GTF2H3: variants seen among roughly 807,000 people sequenced by gnomAD.
GTF2H3 encodes the protein general transcription factor IIH subunit 3.
Under a neutral mutation model 51.1 loss-of-function variants are expected in GTF2H3, and 42 were observed. The ratio of observed to expected loss-of-function variants is 0.82; its 90% CI spans 0.64 to 1.06. The LOEUF (loss-of-function observed/expected upper bound fraction) is 1.06, where lower values mean the gene tolerates loss of function less well. GTF2H3 is among the 50% of genes least tolerant of loss of function. The probability of loss-of-function intolerance (pLI) is 0.00; values close to 1 mark genes in which losing one functional copy is unlikely to be tolerated. For synonymous variants in GTF2H3, 123 were observed against 123.8 expected (o/e 0.99, Z 0.04); for missense variants, 326 against 366.1 (o/e 0.89, Z 0.89).
At chr12:123,649,296 C>T (rs1032084714) in intron 4 of GTF2H3, 2 of 152,254 alleles carry the variant, frequency 1.3e-5, no homozygotes, top group African/African-American at 4.8e-5. Context: ...CTTGATCGGC[C>T]TCAGCATTAT....
At chr12:123,641,695 A>G (rs554225858) in intron 2 of GTF2H3, among the ~76,000 whole-genome samples, 3 of 152,024 alleles carry the variant, frequency 2.0e-5, no homozygotes, top group Non-Finnish European at 4.4e-5. Context: ...GGTTGCGTTC[A>G]TATCTGCTAT....
chr12:123,645,839 G>T (rs550435826), intron 3 of GTF2H3, among the ~76,000 whole-genome samples: 1 of 152,216 alleles, frequency 6.6e-6, no homozygotes, highest in African/African-American at 2.4e-5. Context: ...CTATCAAATC[G>T]GACAGCTACT....
intron 9 of GTF2H3, among the ~76,000 whole-genome samples, chr12:123,657,492 G>T (rs1045371123): frequency 6.6e-6 from 1 of 152,234 alleles, no homozygotes; most frequent in Non-Finnish European, 1.5e-5. Context: ...GCAGGTGTTT[G>T]CATGGCCTAC....
intron 3 of GTF2H3, among the ~76,000 whole-genome samples, chr12:123,646,923 G>A (rs1417231154): frequency 6.6e-6 from 1 of 150,542 alleles, no homozygotes; most frequent in African/African-American, 2.4e-5. Flanking sequence ...AGGCCGAGGC[G>A]GGCGGATCAC....
chr12:123,658,376 C>T (rs561467516), intron 9 of GTF2H3, among the ~76,000 whole-genome samples: 8 of 152,158 alleles, frequency 5.3e-5, no homozygotes, highest in Non-Finnish European at 1.2e-4. Flanking sequence ...CGCCACTACG[C>T]CCAGCTAATT....
At chr12:123,640,822 G>A (rs1955360759) in intron 2 of GTF2H3, among the ~76,000 whole-genome samples, 1 of 152,162 alleles carries the variant, frequency 6.6e-6, no homozygotes, top group Non-Finnish European at 1.5e-5. Context: ...AAAAGCAGAG[G>A]TGGGTAGCAA....
Position 123,662,092 on chromosome 12 carries a change from G to C in GTF2H3, c.*1857G>C, listed in dbSNP as rs868680579. On this transcript the variant is annotated 3_prime_UTR_variant, in exon 13 of 13. Coordinates refer to ENST00000543341, the MANE Select transcript of GTF2H3 (RefSeq NM_001516.5). ...TGCAGTGAGCCAAGATCAAGATTGC[G>C]CCATTGCACTCCAGCCTGGGCGACA... The C allele has an allele frequency of 1.4e-5, 2 of 141,526 alleles. No homozygotes were observed. The highest frequency in any genetic ancestry group is 3.0e-5 in the Non-Finnish European group (2 of 66,952). 8.8% of individuals were successfully genotyped at this position (141,526 alleles called of 1,614,324 possible).
chr12:123,649,424 C>T (rs927613585), intron 4 of GTF2H3: 1 of 152,294 alleles, frequency 6.6e-6, no homozygotes, highest in Non-Finnish European at 1.5e-5. Flanking sequence ...GTTGTGACAA[C>T]CAGATATGTC....
At chr12:123,640,618 A>G (rs1357113314) in intron 2 of GTF2H3, among the ~76,000 whole-genome samples, 1 of 152,138 alleles carries the variant, frequency 6.6e-6, no homozygotes, top group African/African-American at 2.4e-5. Context: ...GATTACAGGC[A>G]TGAGCCACTG....
intron 2 of GTF2H3, among the ~76,000 whole-genome samples, chr12:123,644,434 G>A (rs967806368): frequency 7.2e-5 from 11 of 152,074 alleles, no homozygotes; most frequent in East Asian, 1.9e-4. Flanking sequence ...TTGGGAGGCC[G>A]AGGCGGGCGG....
chr12:123,642,694 A>G (rs1358819838), intron 2 of GTF2H3, among the ~76,000 whole-genome samples: 1 of 152,090 alleles, frequency 6.6e-6, no homozygotes, highest in African/African-American at 2.4e-5. Context: ...CCCCTTCCCC[A>G]TGTTCTTATT....
chr12:123,658,950 A>C (rs982045264), intron 9 of GTF2H3, among the ~76,000 whole-genome samples: 1 of 152,232 alleles, frequency 6.6e-6, no homozygotes, highest in Non-Finnish European at 1.5e-5. Flanking sequence ...AGCACATGAA[A>C]AGATGCTTAA....
chr12:123,651,816 T>C (rs1309229394), intron 5 of GTF2H3, among the ~76,000 whole-genome samples: 5 of 143,090 alleles, frequency 3.5e-5, no homozygotes, highest in Non-Finnish European at 7.6e-5. Context: ...CGAGACTACA[T>C]CTCAAAAAAA....
chr12:123,659,501 G>A lies in GTF2H3; in HGVS notation c.616-15G>A, dbSNP rs756213897. 23 of 1,613,624 alleles carry A rather than the reference G, an allele frequency of 1.4e-5. No individual in the cohort carries two copies. The highest frequency in any genetic ancestry group is 3.3e-5 in the South Asian group (3 of 91,066). Reference sequence around the variant, plus strand: ...GTAAGTGCGAGTTTGGCAGCAAGCCGCCTGTGTCTTGCAGGCTTGTGACAT... The same window carrying A: ...GTAAGTGCGAGTTTGGCAGCAAGCCACCTGTGTCTTGCAGGCTTGTGACAT... On this transcript the variant is annotated splice_polypyrimidine_tract_variant and intron_variant, in intron 9 of 12. Coordinates refer to ENST00000543341, the MANE Select transcript of GTF2H3 (RefSeq NM_001516.5).
intron 2 of GTF2H3, among the ~76,000 whole-genome samples, chr12:123,640,462 G>T (rs1293810828): frequency 6.6e-6 from 1 of 150,476 alleles, no homozygotes; most frequent in South Asian, 2.1e-4. Context: ...TCAGCCTTCC[G>T]AGTAGCTGGG....
At chr12:123,635,249 A>AT (rs373270442) in intron 1 of GTF2H3, among the ~76,000 whole-genome samples, 1 of 152,094 alleles carries the variant, frequency 6.6e-6, no homozygotes, top group Non-Finnish European at 1.5e-5. Context: ...TGATTTACAC[A>AT]TTTTTTTGTT....
intron 4 of GTF2H3, among the ~76,000 whole-genome samples, chr12:123,648,672 A>G (rs1395395340): frequency 6.6e-6 from 1 of 152,038 alleles, no homozygotes; most frequent in Non-Finnish European, 1.5e-5. Flanking sequence ...TATTTCTGTC[A>G]GCTCCCATCC....
Position 123,639,245 on chromosome 12 carries a change from T to C in GTF2H3, c.14-19T>C. ...ATGGAGCTAATGTTTTAAATTTTAT[T>C]TCTTGTTAATATTTTCAGAAGATGA... On this transcript the variant is annotated intron_variant, in intron 1 of 12. Coordinates refer to ENST00000543341, the MANE Select transcript of GTF2H3 (RefSeq NM_001516.5). The C allele has an allele frequency of 8.1e-7, 1 of 1,228,176 alleles. No homozygotes were observed. Among genetic ancestry groups the C allele is most frequent in the Non-Finnish European group, 1.2e-6 (1 of 838,610 alleles). 76.1% of individuals were successfully genotyped at this position (1,228,176 alleles called of 1,614,324 possible).
chr12:123,657,622 G>T (rs1007873125), intron 9 of GTF2H3, among the ~76,000 whole-genome samples: 1 of 152,174 alleles, frequency 6.6e-6, no homozygotes, highest in African/African-American at 2.4e-5. Context: ...TCATAGAAAT[G>T]ATCATAACCT....
Sources: gnomAD v4.1 joint callset for allele counts (sites outside exome capture counted in the v4.1 genomes callset) on GRCh38, gnomAD v4.1.1 for gene constraint, MANE v1.5 for transcripts, NCBI Gene and HGNC (gene_info 2026-07-23, HGNC 2026-07-21) for gene names.